The following ADAMTSL3 variants were observed in gnomAD, a reference collection of about 807,000 sequenced individuals.
ADAMTSL3 encodes the protein ADAMTS-like protein 3.
ADAMTSL3 carries 128 observed loss-of-function variants against 201.7 expected under a neutral mutation model. The ratio of observed to expected loss-of-function variants is 0.63; its 90% confidence interval spans 0.55 to 0.73. The LOEUF is 0.73. Ranked by LOEUF, ADAMTSL3 falls within the 30% of genes least tolerant of loss-of-function variation. ADAMTSL3 has a pLI of 0.00. For missense variants in ADAMTSL3, 1,990 were observed against 2,119.6 expected (o/e 0.94, Z 1.20); for synonymous variants, 738 against 748.4 (o/e 0.99, Z 0.23).
Position 83,961,569 on chromosome 15 carries a change from A to G in ADAMTSL3, c.2491-8915A>G, listed in dbSNP as rs148443430. 3.9e-5 allele frequency: 6 copies of G among 152,346 alleles called. No homozygotes were observed. In the East Asian group the frequency reaches 9.6e-4, roughly 24 times the overall value. The allele number at this position is 152,346 out of a possible 1,614,324, so 9.4% of individuals were successfully genotyped here. ...AAATAAACTAAAAATTCTCATCTTC[A>G]TAGGAGCATTCAATGCAAGAGGACA... is the stretch of plus-strand genomic sequence containing the variant. On this transcript the variant is annotated intron_variant, in intron 19 of 29. Transcript: ENST00000286744.
intron 27 of ADAMTSL3, among the ~76,000 whole-genome samples, chr15:84,025,792 C>G (rs1411899405): frequency 6.6e-6 from 1 of 152,088 alleles, no homozygotes; most frequent in Non-Finnish European, 1.5e-5. Context: ...CAAATGCCAC[C>G]TTTGATAATG....
At chr15:83,902,491 C>A (rs144814040) in intron 15 of ADAMTSL3, among the ~76,000 whole-genome samples, 1 of 152,108 alleles carries the variant, frequency 6.6e-6, no homozygotes, top group African/African-American at 2.4e-5. Flanking sequence ...AGGATGGTCT[C>A]GATCTCCTGA....
chr15:84,008,663 T>A (rs995272973), intron 23 of ADAMTSL3, among the ~76,000 whole-genome samples: 1 of 152,150 alleles, frequency 6.6e-6, no homozygotes, highest in African/African-American at 2.4e-5. Flanking sequence ...AAATATGACA[T>A]CTGTATGCTG....
At chr15:83,664,408 G>A (rs546234269) in intron 2 of ADAMTSL3, among the ~76,000 whole-genome samples, 1 of 152,174 alleles carries the variant, frequency 6.6e-6, no homozygotes, top group South Asian at 2.1e-4. Context: ...TTCCTTGGTG[G>A]TGTCAAGCAC....
chr15:83,723,448 G>A (rs1451418678), intron 3 of ADAMTSL3, among the ~76,000 whole-genome samples: 1 of 151,998 alleles, frequency 6.6e-6, no homozygotes, highest in Non-Finnish European at 1.5e-5. Flanking sequence ...GTTGTTTCAG[G>A]GAATTTCCTG....
chr15:83,970,439 C>T, intron 19 of ADAMTSL3, 45 bp from the exon 20 acceptor site: 1 of 1,610,518 alleles, frequency 6.2e-7, no homozygotes, highest in Non-Finnish European at 8.5e-7. Flanking sequence ...GCTGGGTCTG[C>T]CTGCTCATGC....
At chr15:83,788,410 T>C (rs962031423) in intron 4 of ADAMTSL3, among the ~76,000 whole-genome samples, 6 of 152,218 alleles carry the variant, frequency 3.9e-5, no homozygotes, top group Non-Finnish European at 8.8e-5. Context: ...CTCATTTTTA[T>C]GGATACATTC....
intron 23 of ADAMTSL3, among the ~76,000 whole-genome samples, chr15:84,004,094 G>T (rs901348820): frequency 1.9e-4 from 29 of 152,282 alleles, no homozygotes; most frequent in African/African-American, 6.7e-4. Flanking sequence ...GGCCTCTCTA[G>T]TAACATCCCA....
intron 23 of ADAMTSL3, among the ~76,000 whole-genome samples, chr15:84,008,461 C>T (rs769680359): frequency 5.3e-5 from 8 of 152,160 alleles, no homozygotes; most frequent in African/African-American, 1.7e-4. Flanking sequence ...ACAGTTGCTA[C>T]GCCCTCCTTC....
At chr15:83,825,980 A>G (rs910281975) in intron 6 of ADAMTSL3, among the ~76,000 whole-genome samples, 2 of 152,238 alleles carry the variant, frequency 1.3e-5, no homozygotes, top group African/African-American at 4.8e-5. Context: ...TTTCAGTGGC[A>G]AAGTGGCAGA....
chr15:83,737,976 C>T (rs2062394241), intron 3 of ADAMTSL3, among the ~76,000 whole-genome samples: 4 of 152,114 alleles, frequency 2.6e-5, no homozygotes, highest in Admixed American at 2.0e-4. Context: ...ACTGAACTCA[C>T]CTACACTGGC....
intron 20 of ADAMTSL3, among the ~76,000 whole-genome samples, chr15:83,981,969 T>G (rs2067391743): frequency 6.6e-6 from 1 of 152,232 alleles, no homozygotes; most frequent in South Asian, 2.1e-4. Flanking sequence ...AACTATTCCC[T>G]ACATTTCACC....
intron 27 of ADAMTSL3, among the ~76,000 whole-genome samples, chr15:84,028,205 C>T (rs759747714): frequency 2.0e-5 from 3 of 152,136 alleles, no homozygotes; most frequent in Non-Finnish European, 4.4e-5. Context: ...ATTCCGTTAA[C>T]ATTCGATGGC....
chr15:83,661,881 T>G (rs1459126077), intron 2 of ADAMTSL3, among the ~76,000 whole-genome samples: 5 of 146,094 alleles, frequency 3.4e-5, no homozygotes, highest in Non-Finnish European at 7.5e-5. Flanking sequence ...AGATACCACC[T>G]CACACCAGTT....
At chr15:83,658,340 C>T (rs1453247977) in intron 2 of ADAMTSL3, among the ~76,000 whole-genome samples, 2 of 152,214 alleles carry the variant, frequency 1.3e-5, no homozygotes. Flanking sequence ...AACTCCTGAC[C>T]TCAAGTGATC....
intron 2 of ADAMTSL3, among the ~76,000 whole-genome samples, chr15:83,681,365 A>G (rs1369366824): frequency 6.6e-6 from 1 of 152,224 alleles, no homozygotes; most frequent in Non-Finnish European, 1.5e-5. Context: ...GTTAGTTAAA[A>G]TAAGTCATGT....
At chr15:83,674,766 C>CACATATATATATATATATAT (rs2061376659) in intron 2 of ADAMTSL3, among the ~76,000 whole-genome samples, 1 of 68,952 alleles carries the variant, frequency 1.5e-5, no homozygotes, top group Non-Finnish European at 2.8e-5. Flanking sequence ...CACATATATA[C>CACATATATATATATATATAT]ATATATATAT....
At position 83,654,603 on chromosome 15, in the gene ADAMTSL3, C is replaced by T. The variant is rs1009116777; in HGVS notation, c.-34+327C>T. Among the ~76,000 whole-genome samples, 1 of 152,120 alleles carries T rather than the reference C, an allele frequency of 6.6e-6. No homozygotes were observed. Among genetic ancestry groups the T allele is most frequent in the Non-Finnish European group, 1.5e-5 (1 of 68,028 alleles). ...GGATTGGGAGTTACTAAGCAGAAAC[C>T]TCGCGGGTCCGAAGGTCCGGCCGGT... On this transcript the variant is annotated intron_variant, in intron 1 of 29. Coordinates refer to ENST00000286744, the MANE Select transcript of ADAMTSL3 (RefSeq NM_207517.3). The surrounding 1 kb of genome is among the most constrained non-coding windows in gnomAD (Gnocchi z 5.3).
intron 2 of ADAMTSL3, among the ~76,000 whole-genome samples, chr15:83,676,593 G>A (rs1475771831): frequency 6.6e-6 from 1 of 152,186 alleles, no homozygotes; most frequent in Non-Finnish European, 1.5e-5. Flanking sequence ...CAGGAGAATG[G>A]CGTGAACCCG....
Sources: gnomAD v4.1 joint callset for allele counts (sites outside exome capture counted in the v4.1 genomes callset) on GRCh38, gnomAD v4.1.1 for gene constraint, Gnocchi (gnomAD v3.1) non-coding constraint, MANE v1.5 for transcripts, NCBI Gene and HGNC (gene_info 2026-07-23, HGNC 2026-07-21) for gene names.